CRYBG1: variants seen among roughly 807,000 people sequenced by gnomAD.
CRYBG1 encodes the protein beta/gamma crystallin domain-containing protein 1.
In CRYBG1, 139 loss-of-function variants were observed where a neutral mutation model predicts 189.2. The observed-to-expected ratio is 0.73, with a 90% confidence interval of 0.64 to 0.85. The LOEUF is 0.85. CRYBG1 is among the 40% of genes least tolerant of loss of function. The pLI is 0.00. For missense variants in CRYBG1, 2,611 were observed against 2,675.8 expected, an observed-to-expected ratio of 0.98 and a Z score of 0.53; for synonymous variants, 1,023 against 1,017.1, an observed-to-expected ratio of 1.01 and a Z score of -0.11.
intron 1 of CRYBG1, among the ~76,000 whole-genome samples, chr6:106,391,355 T>G (rs1036733189): frequency 1.4e-4 from 21 of 152,230 alleles, no homozygotes; most frequent in Admixed American, 1.3e-4. Context: ...GTGCTGGGAT[T>G]ACAGGCGTGA....
chr6:106,515,059 A>C (rs1773386381), intron 3 of CRYBG1, among the ~76,000 whole-genome samples: 1 of 152,226 alleles, frequency 6.6e-6, no homozygotes, highest in Admixed American at 6.5e-5. Flanking sequence ...AGTAAGAAAA[A>C]CTATTTCGTA....
chr6:106,444,391 C>T (rs1350150315), intron 1 of CRYBG1, among the ~76,000 whole-genome samples: 1 of 152,230 alleles, frequency 6.6e-6, no homozygotes, highest in Non-Finnish European at 1.5e-5. Context: ...AAACACAATA[C>T]TCTTGATAAA....
intron 1 of CRYBG1, among the ~76,000 whole-genome samples, chr6:106,389,558 G>C (rs1770459190): frequency 6.6e-6 from 1 of 151,960 alleles, no homozygotes; most frequent in Non-Finnish European, 1.5e-5. Context: ...AAAAAGCAAG[G>C]TGTTGATCTC....
At chr6:106,503,272 C>A (rs1024619195) in intron 2 of CRYBG1, among the ~76,000 whole-genome samples, 2 of 152,170 alleles carry the variant, frequency 1.3e-5, no homozygotes, top group Admixed American at 6.5e-5. Context: ...GGGGCGCAGA[C>A]AAGGCTGAGG....
chr6:106,537,862 A>C (rs1774040540), intron 8 of CRYBG1, among the ~76,000 whole-genome samples: 1 of 152,208 alleles, frequency 6.6e-6, no homozygotes, highest in African/African-American at 2.4e-5. Flanking sequence ...AATCATCAGT[A>C]GGAGCCTGGT....
At chr6:106,442,901 A>G (rs1314974875) in intron 1 of CRYBG1, among the ~76,000 whole-genome samples, 1 of 152,216 alleles carries the variant, frequency 6.6e-6, no homozygotes, top group African/African-American at 2.4e-5. Context: ...CCAGAAGGTG[A>G]AAGCACTTGA....
At chr6:106,381,302 T>G (rs1770283693) in intron 1 of CRYBG1, among the ~76,000 whole-genome samples, 1 of 152,210 alleles carries the variant, frequency 6.6e-6, no homozygotes, top group African/African-American at 2.4e-5. Context: ...TTTACAGGTT[T>G]GAATCATAGT....
At chr6:106,470,363 C>G (rs759566985) in intron 2 of CRYBG1, among the ~76,000 whole-genome samples, 1 of 151,990 alleles carries the variant, frequency 6.6e-6, no homozygotes, top group African/African-American at 2.4e-5. Context: ...CCTACCATTC[C>G]TTCATTGGAC....
rs1775070896 is a variant in CRYBG1 at position 106,571,818 on chromosome 6, G to C, written c.*3252G>C. On this transcript the variant is annotated 3_prime_UTR_variant, in exon 22 of 22. Transcript: ENST00000633556. ...TTCTACTGACTACAGACAAATCCAA[G>C]TGCTGATATTTTTATATCAATTACT... 2 of 531,728 alleles carry C rather than the reference G, an allele frequency of 3.8e-6. No individual in the cohort carries two copies. Among genetic ancestry groups the C allele is most frequent in the Non-Finnish European group, 6.7e-6 (2 of 297,204 alleles). 32.9% of individuals were successfully genotyped at this position (531,728 alleles called of 1,614,324 possible).
At chr6:106,368,860 C>A (rs368069595) in intron 1 of CRYBG1, among the ~76,000 whole-genome samples, 2 of 151,816 alleles carry the variant, frequency 1.3e-5, no homozygotes, top group East Asian at 3.9e-4. Flanking sequence ...ACCTCACCTA[C>A]TACTTAAAAA....
At chr6:106,474,856 T>A (rs1020097795) in intron 2 of CRYBG1, among the ~76,000 whole-genome samples, 4 of 152,216 alleles carry the variant, frequency 2.6e-5, no homozygotes, top group African/African-American at 9.6e-5. Flanking sequence ...TAGAACACAC[T>A]GAGTTTGTTA....
At chr6:106,533,852 A>G (rs1471471964) in intron 8 of CRYBG1, among the ~76,000 whole-genome samples, 1 of 152,186 alleles carries the variant, frequency 6.6e-6, no homozygotes, top group Non-Finnish European at 1.5e-5. Flanking sequence ...GCTGGAGTTC[A>G]GGGGAGAGGC....
intron 1 of CRYBG1, among the ~76,000 whole-genome samples, chr6:106,394,281 A>G (rs1038566970): frequency 6.6e-6 from 1 of 152,118 alleles, no homozygotes; most frequent in Non-Finnish European, 1.5e-5. Context: ...GAAGGAACAT[A>G]TTTCATTTTT....
At position 106,534,866 on chromosome 6, in the gene CRYBG1, G is replaced by A. The variant is rs147607587; in HGVS notation, c.4719-4537G>A. ...GGTGGTATATTTATGACGAACAAAA[G>A]CAAAGAAGTTTAGAACTTCAAAGGG... On this transcript the variant is annotated intron_variant, in intron 8 of 21. Coordinates refer to ENST00000633556, the MANE Select transcript of CRYBG1 (RefSeq NM_001371242.2). Among the ~76,000 whole-genome samples, 9 of 152,158 alleles carry A rather than the reference G, an allele frequency of 5.9e-5. 1 individual carries two copies. The highest frequency in any genetic ancestry group is 2.6e-4 in the Admixed American group (4 of 15,280).
chr6:106,507,250 C>T (rs759087342), intron 2 of CRYBG1, among the ~76,000 whole-genome samples: 5 of 152,224 alleles, frequency 3.3e-5, no homozygotes, highest in Non-Finnish European at 7.3e-5. Context: ...CCATGTGCCA[C>T]CTCTACAATA....
At chr6:106,453,906 G>A (rs1771833150) in intron 2 of CRYBG1, among the ~76,000 whole-genome samples, 1 of 152,226 alleles carries the variant, frequency 6.6e-6, no homozygotes, top group South Asian at 2.1e-4. Flanking sequence ...TGTAGGGATG[G>A]AGCCGGAGCA....
rs1424187252 is a variant in CRYBG1, at chr6:106,568,586, C to T, written c.*20C>T. The T allele has an allele frequency of 6.4e-7, 1 of 1,560,026 alleles. No homozygotes were observed. The highest frequency in any genetic ancestry group is 8.8e-7 in the Non-Finnish European group (1 of 1,132,254). On this transcript the variant is annotated 3_prime_UTR_variant, in exon 22 of 22. Coordinates refer to ENST00000633556, the MANE Select transcript of CRYBG1 (RefSeq NM_001371242.2). The stretch of plus-strand genomic sequence containing the variant: ...ACCTGAACAAAGAAGGAAGAAGAAT[C>T]TTCTGGAGGTCCTTCCAGCCACCTT...
At chr6:106,489,690 C>T (rs1002967292) in intron 2 of CRYBG1, among the ~76,000 whole-genome samples, 9 of 93,994 alleles carry the variant, frequency 9.6e-5, no homozygotes, top group African/African-American at 3.4e-4. Context: ...TAGCCGGGGG[C>T]GGTAGTATGC....
chr6:106,525,329 A>G lies in CRYBG1; in HGVS notation c.4355A>G (p.Gln1452Arg). The change falls in exon 6 of 22, where the codon CAG (glutamine) becomes CGG (arginine). Residue 1452 changes from glutamine to arginine, a missense_variant. Physicochemically the swap from Gln to Arg is conservative, Grantham distance 43. Transcript: ENST00000633556. ...EKCIEVFSDI[Q>R]DCSSWSLSPV... is the part of the protein sequence containing the mutation. ...TGCATTGAAGTTTTCAGTGACATTC[A>G]GGATTGCAGTTCTTGGAGCCTCTCT... 6.2e-7 allele frequency: 1 copy of G among 1,614,166 alleles called. No individual in the cohort carries two copies. The highest frequency in any genetic ancestry group is 8.5e-7 in the Non-Finnish European group (1 of 1,180,018).
Sources: allele counts gnomAD v4.1 joint callset (sites outside exome capture counted in the v4.1 genomes callset), GRCh38; gene constraint gnomAD v4.1.1; transcripts MANE v1.5; gene names NCBI Gene and HGNC (gene_info 2026-07-23, HGNC 2026-07-21).